STOX2: variants seen among roughly 807,000 people sequenced by gnomAD.
STOX2 encodes the protein storkhead box 2, also known as storkhead-box protein 2.
Under a neutral mutation model 60.9 loss-of-function variants are expected in STOX2, and 28 were observed. The ratio of observed to expected loss-of-function variants is 0.46; its 90% confidence interval spans 0.34 to 0.63. The LOEUF (loss-of-function observed/expected upper bound fraction) is 0.63. Ranked by LOEUF, STOX2 falls within the 30% of genes least tolerant of loss-of-function variation. The probability of loss-of-function intolerance (pLI) is 0.01; values close to 1 mark genes in which losing one functional copy is unlikely to be tolerated. For synonymous variants in STOX2, 472 were observed against 463.9 expected (o/e 1.02, Z -0.22); for missense variants, 1,024 against 1,187.7 (o/e 0.86, Z 2.03).
At chr4:183,837,973 A>G (rs1201043221) in intron 1 of STOX2, among the ~76,000 whole-genome samples, 2 of 152,140 alleles carry the variant, frequency 1.3e-5, no homozygotes, top group African/African-American at 4.8e-5. Flanking sequence ...GGAAAATTTT[A>G]CCTTGAGTTC....
At chr4:183,967,038 T>TA (rs1418392030) in intron 1 of STOX2, among the ~76,000 whole-genome samples, 1 of 152,126 alleles carries the variant, frequency 6.6e-6, no homozygotes, top group East Asian at 1.9e-4. Flanking sequence ...AGTGTAGTTG[T>TA]TATGAGTAGG....
intron 1 of STOX2, among the ~76,000 whole-genome samples, chr4:183,896,165 G>T (rs1043193926): frequency 1.3e-5 from 2 of 152,186 alleles, no homozygotes; most frequent in African/African-American, 4.8e-5. Context: ...GAGAAAATGC[G>T]AGAACTTGGG....
At chr4:183,860,435 CAAAAAACA>C (rs1740403863) in intron 1 of STOX2, among the ~76,000 whole-genome samples, 1 of 19,022 alleles carries the variant, frequency 5.3e-5, no homozygotes, top group Non-Finnish European at 2.2e-4. Flanking sequence ...AAACAAAAAA[CAAAAAACA>C]AAAAAAAAAA....
intron 1 of STOX2, among the ~76,000 whole-genome samples, chr4:183,952,980 C>T (rs943472957): frequency 6.6e-6 from 1 of 152,000 alleles, no homozygotes; most frequent in South Asian, 2.1e-4. Flanking sequence ...TAAGTGGGAG[C>T]TGAACAATGA....
intron 1 of STOX2, among the ~76,000 whole-genome samples, chr4:183,835,136 T>G (rs76742250): frequency 6.6e-6 from 1 of 151,870 alleles, no homozygotes; most frequent in Non-Finnish European, 1.5e-5. Flanking sequence ...TTTTTTTTTT[T>G]GAACTTCAGC....
chr4:183,802,438 T>C (rs921441918), intron 1 of STOX2, among the ~76,000 whole-genome samples: 1 of 150,188 alleles, frequency 6.7e-6, no homozygotes, highest in Non-Finnish European at 1.5e-5. Context: ...GCAGTGGCAC[T>C]ATCATGGCTC....
chr4:183,981,898 A>C (rs1732669784), intron 1 of STOX2, among the ~76,000 whole-genome samples: 1 of 152,244 alleles, frequency 6.6e-6, no homozygotes, highest in African/African-American at 2.4e-5. Flanking sequence ...AGATTGCACC[A>C]GTGCACCCCA....
chr4:183,895,831 C>T lies in STOX2; in HGVS notation c.364+97776C>T, dbSNP rs183716879. On this transcript the variant is annotated intron_variant, in intron 1 of 2. Coordinates refer to the STOX2 transcript ENST00000513034. ...GACATTTTTGTAGGGTGTTGTGTTG[C>T]ATTATTAATACAATGAGGTCAGCAG... Among the ~76,000 whole-genome samples, 69 of 152,270 alleles carry T rather than the reference C, an allele frequency of 4.5e-4. 1 individual carries two copies. The highest frequency in any genetic ancestry group is 4.4e-3 in the Admixed American group (68 of 15,296).
At chr4:183,888,046 G>A (rs1018444059) in intron 1 of STOX2, among the ~76,000 whole-genome samples, 5 of 152,118 alleles carry the variant, frequency 3.3e-5, no homozygotes, top group Non-Finnish European at 7.4e-5. Context: ...GAGCCACTGC[G>A]CCTGGCCCTG....
intron 1 of STOX2, among the ~76,000 whole-genome samples, chr4:183,959,141 A>G (rs1313007110): frequency 1.3e-5 from 2 of 151,870 alleles, no homozygotes; most frequent in Non-Finnish European, 2.9e-5. Flanking sequence ...TAACACTTGG[A>G]TTTTCTAAGC....
intron 1 of STOX2, among the ~76,000 whole-genome samples, chr4:183,890,482 CAAA>C (rs1180769489): frequency 1.7e-4 from 8 of 47,848 alleles, no homozygotes; most frequent in African/African-American, 4.5e-4. Context: ...GACTCCGTCT[CAAA>C]AAAAAAAAAA....
chr4:183,984,723 G>A (rs780558823), intron 1 of STOX2, among the ~76,000 whole-genome samples: 23 of 152,186 alleles, frequency 1.5e-4, no homozygotes, highest in African/African-American at 3.4e-4. Flanking sequence ...TGCCAAGGAC[G>A]CAGGCGAGTG....
intron 1 of STOX2, among the ~76,000 whole-genome samples, chr4:183,944,878 A>C (rs1742843786): frequency 6.6e-6 from 1 of 152,202 alleles, no homozygotes; most frequent in Admixed American, 6.5e-5. Flanking sequence ...TCATTCAACA[A>C]ATTTTATCTA....
At chr4:183,938,564 G>A (rs1017118903) in intron 1 of STOX2, among the ~76,000 whole-genome samples, 2 of 150,836 alleles carry the variant, frequency 1.3e-5, no homozygotes, top group Admixed American at 1.3e-4. Context: ...AGCTACTCAG[G>A]AGGCGGAGGC....
chr4:183,890,536 A>G (rs76829298), intron 1 of STOX2, among the ~76,000 whole-genome samples: 1 of 122,572 alleles, frequency 8.2e-6, no homozygotes, highest in Non-Finnish European at 1.6e-5. Flanking sequence ...AAAGGAGGGA[A>G]GGAAGGAGAG....
chr4:183,935,688 T>G (rs1742571087), intron 1 of STOX2, among the ~76,000 whole-genome samples: 1 of 152,246 alleles, frequency 6.6e-6, no homozygotes, highest in Non-Finnish European at 1.5e-5. Context: ...CAAGTACTTA[T>G]TCCTAATTTA....
At chr4:183,840,296 A>G (rs1375586830) in intron 1 of STOX2, among the ~76,000 whole-genome samples, 1 of 152,138 alleles carries the variant, frequency 6.6e-6, no homozygotes, top group Non-Finnish European at 1.5e-5. Flanking sequence ...TTCTTAACCC[A>G]TTTGTACAAT....
chr4:183,903,914 T>A (rs1741519394), upstream of STOX2, among the ~76,000 whole-genome samples: 1 of 152,236 alleles, frequency 6.6e-6, no homozygotes, highest in African/African-American at 2.4e-5. Flanking sequence ...GTGCACTTTA[T>A]TTCTTTTATT....
intron 1 of STOX2, among the ~76,000 whole-genome samples, chr4:183,844,035 T>C (rs1205748957): frequency 6.6e-6 from 1 of 152,166 alleles, no homozygotes; most frequent in East Asian, 1.9e-4. Flanking sequence ...TTCTACCCAA[T>C]CCGAATTTCT....
Sources: gnomAD v4.1 joint callset for allele counts (sites outside exome capture counted in the v4.1 genomes callset) on GRCh38, gnomAD v4.1.1 for gene constraint, MANE v1.5 for transcripts, NCBI Gene and HGNC (gene_info 2026-07-23, HGNC 2026-07-21) for gene names.